The following EXOSC1 variants were observed in gnomAD, a reference collection of about 807,000 sequenced individuals.
EXOSC1 encodes exosome component 1, also known as exosome complex component CSL4.
A neutral mutation model predicts 31.4 loss-of-function variants in EXOSC1; 27 were observed. The ratio of observed to expected loss-of-function variants is 0.86; its 90% CI spans 0.63 to 1.18. The LOEUF (loss-of-function observed/expected upper bound fraction) is 1.18. EXOSC1 is among the 50% of genes most tolerant of loss of function. The pLI is 0.00. For missense variants in EXOSC1, 228 were observed against 250.3 expected (o/e 0.91, Z 0.60); for synonymous variants, 84 against 89.5 (o/e 0.94, Z 0.35).
At chr10:97,443,103 G>T in intron 3 of EXOSC1, 134 bp downstream of exon 3, 1 of 742,530 alleles carries the variant, frequency 1.3e-6, no homozygotes. Context: ...AGAATTACCA[G>T]TGTGAGCCAC....
At chr10:97,444,881 G>A (rs963738171) in intron 2 of EXOSC1, 1 of 152,158 alleles carries the variant, frequency 6.6e-6, no homozygotes, top group Admixed American at 6.5e-5. Flanking sequence ...TCTGAAACTA[G>A]AAAGGTAGGT....
chr10:97,439,970 CTTTTTTTTT>C (rs957127403), intron 4 of EXOSC1, among the ~76,000 whole-genome samples: 8 of 139,654 alleles, frequency 5.7e-5, no homozygotes, highest in Non-Finnish European at 1.1e-4. Flanking sequence ...ATGCCTTCTA[CTTTTTTTTT>C]TTTTTTTTTT....
rs116334276 is a variant in EXOSC1, at chr10:97,438,364, G to A, written c.345+306C>T. ...CCCAAGTAGCTAGGACTACAGGTGCGTGCCACCACTTAACCTCAAACTCCT... is the reference window on the plus strand; with the variant it reads ...CCCAAGTAGCTAGGACTACAGGTGCATGCCACCACTTAACCTCAAACTCCT... On this transcript the variant is annotated intron_variant, in intron 5 of 7. Coordinates refer to ENST00000370902, the MANE Select transcript of EXOSC1 (RefSeq NM_016046.5). 5.2e-3 allele frequency among the ~76,000 whole-genome samples: 784 copies of A among 152,084 alleles called. 7 individuals are homozygous for A. The highest frequency in any genetic ancestry group is 0.018 in the African/African-American group (745 of 41,478).
rs540907160 is a variant in EXOSC1 at position 97,440,215 on chromosome 10, G to A, written c.311+956C>T. 4.4e-4 allele frequency among the ~76,000 whole-genome samples: 67 copies of A among 151,916 alleles called. 1 individual carries two copies. The highest frequency in any genetic ancestry group is 1.5e-3 in the Admixed American group (23 of 15,270). ...TCGAACTCCCGACCTCAGGTGATCCGCCCGCCTCGGCCTCCCAAAGTGCTG... is the reference window on the plus strand; with the variant it reads ...TCGAACTCCCGACCTCAGGTGATCCACCCGCCTCGGCCTCCCAAAGTGCTG... On this transcript the variant is annotated intron_variant, in intron 4 of 7. Transcript: ENST00000370902.
At chr10:97,437,311 T>C in intron 6 of EXOSC1, 36 bp from the exon 7 acceptor site, 2 of 1,522,086 alleles carry the variant, frequency 1.3e-6, no homozygotes, top group Non-Finnish European at 1.8e-6. Flanking sequence ...AAATGAGGAG[T>C]TAGAAGTCTT....
rs1337879861 is a variant in EXOSC1 at position 97,435,934 on chromosome 10, A to G, written c.*511T>C. ...TCCCAAAGTGCTGGGATTTACAAAC[A>G]TGAGCCACCATGCCTGCCTCACATG... On this transcript the variant is annotated 3_prime_UTR_variant, in exon 8 of 8. Coordinates refer to ENST00000370902, the MANE Select transcript of EXOSC1 (RefSeq NM_016046.5). Among the ~76,000 whole-genome samples, 1 of 152,174 alleles carries G rather than the reference A, an allele frequency of 6.6e-6. No homozygotes were observed. The highest frequency in any genetic ancestry group is 1.5e-5 in the Non-Finnish European group (1 of 68,040).
chr10:97,441,180 C>G lies in EXOSC1; in HGVS notation c.302G>C (p.Gly101Ala). The change falls in exon 4 of 8, where the codon GGA becomes GCA. Residue 101 changes from glycine (G) to alanine (A), a missense_variant. Gly to Ala is a moderately conservative substitution (Grantham distance 60, BLOSUM62 0). Coordinates refer to ENST00000370902, the MANE Select transcript of EXOSC1 (RefSeq NM_016046.5). ...AAAGGATACTTCTTACCGGATAGTT[C>G]CTCGAAAAGAGTTCTTAAGAGGCAT... is the stretch of plus-strand genomic sequence containing the variant. ...GSMPLKNSFR[G>A]TIRKEDVRAT... The G allele has an allele frequency of 1.2e-6, 2 of 1,613,752 alleles. No homozygotes were observed. Among genetic ancestry groups the G allele is most frequent in the Non-Finnish European group, 1.7e-6 (2 of 1,179,756 alleles).
In EXOSC1 at chr10:97,436,264, TACTC is replaced by T; in HGVS notation, c.*177_*180del. The T allele has an allele frequency of 1.9e-6, 1 of 534,058 alleles. No homozygotes were observed. Among genetic ancestry groups the T allele is most frequent in the Non-Finnish European group, 3.3e-6 (1 of 301,780 alleles). 33.1% of individuals were successfully genotyped at this position (534,058 alleles called of 1,614,324 possible). On this transcript the variant is annotated 3_prime_UTR_variant, in exon 8 of 8. Transcript: ENST00000370902. ...GGTGCCTTGAAAAGATAAGATTTATTACTCAAGAGAATGAAATCCACTGATAGGT... is the reference window on the plus strand; with the variant it reads ...GGTGCCTTGAAAAGATAAGATTTATTAAGAGAATGAAATCCACTGATAGGT...
rs772838751 is a variant in EXOSC1, at chr10:97,443,238, T to A, written c.221A>T (p.Lys74Met). Residue 74 changes from lysine to methionine, a missense_variant and splice_region_variant, in exon 3 of 8, where the codon AAG becomes ATG. Lys to Met is a moderately conservative substitution (Grantham distance 95). Transcript: ENST00000370902. The stretch of plus-strand genomic sequence containing the variant: ...GCATGGAGGTCAGGACCAACTTACC[T>A]TACAGGTTACAATAGCTCCCACATC... ...LPDVGAIVTC[K>M]VSSINSRFAK... 2.5e-6 allele frequency: 4 copies of A among 1,613,788 alleles called. No homozygotes were observed.
At chr10:97,445,546 G>C (rs991771956) in intron 2 of EXOSC1, 186 bp downstream of exon 2, 11 of 614,890 alleles carry the variant, frequency 1.8e-5, no homozygotes, top group Middle Eastern at 4.4e-4. Flanking sequence ...AACCAAGCGA[G>C]ATCAACACAA....
rs759707766 is a variant in EXOSC1, at chr10:97,445,943, G to A, written c.31+12C>T. ...CCCTATCCAGGACTCTGTACGGGAA[G>A]CGCTCACTTACCGGGGATGCAGTAT... On this transcript the variant is annotated intron_variant, in intron 1 of 7. Transcript: ENST00000370902. 4.3e-6 allele frequency: 7 copies of A among 1,614,198 alleles called. No individual in the cohort carries two copies. The highest frequency in any genetic ancestry group is 1.7e-5 in the Admixed American group (1 of 60,028).
intron 2 of EXOSC1, 71 bp downstream of exon 2, chr10:97,445,661 T>G (rs943357015): frequency 6.9e-7 from 1 of 1,450,210 alleles, no homozygotes; most frequent in Non-Finnish European, 9.5e-7. Flanking sequence ...GCAGTGCCCA[T>G]GCCTAAGGAC....
Position 97,445,853 on chromosome 10 carries a change from G to C in EXOSC1, c.32-6C>G, listed in dbSNP as rs1293429759. 1 of 1,613,714 alleles carries C rather than the reference G, an allele frequency of 6.2e-7. No homozygotes were observed. Among genetic ancestry groups the C allele is most frequent in the African/African-American group, 1.3e-5 (1 of 74,930 alleles). On this transcript the variant is annotated splice_region_variant and splice_polypyrimidine_tract_variant and intron_variant, in intron 1 of 7. Coordinates refer to ENST00000370902, the MANE Select transcript of EXOSC1 (RefSeq NM_016046.5). ...CAAGTTACACAGACGTTCGCCTGCA[G>C]AAAAAATGCTGCATCGGTCACGGGC...
intron 3 of EXOSC1, 114 bp from the exon 4 acceptor site, chr10:97,441,373 A>G: frequency 1.3e-6 from 1 of 745,308 alleles, no homozygotes; most frequent in Non-Finnish European, 2.2e-6. Context: ...CTAAGTAGAG[A>G]ATTTAAGACA....
At chr10:97,440,433 C>G (rs1192665509) in intron 4 of EXOSC1, among the ~76,000 whole-genome samples, 1 of 152,152 alleles carries the variant, frequency 6.6e-6, no homozygotes, top group Non-Finnish European at 1.5e-5. Context: ...ACTGCAACCT[C>G]TGCCTCCTAG....
chr10:97,441,186 A>T lies in EXOSC1; in HGVS notation c.296T>A (p.Phe99Tyr). Residue 99 changes from phenylalanine to tyrosine, a missense_variant, in exon 4 of 8, where the codon TTT becomes TAT. Coordinates refer to ENST00000370902, the MANE Select transcript of EXOSC1 (RefSeq NM_016046.5). ...YVGSMPLKNS[F>Y]RGTIRKEDVR... is the part of the protein sequence containing the mutation. ...TACTTCTTACCGGATAGTTCCTCGA[A>T]AAGAGTTCTTAAGAGGCATGGACCC... 1 of 1,613,976 alleles carries T rather than the reference A, an allele frequency of 6.2e-7. No individual in the cohort carries two copies. The highest frequency in any genetic ancestry group is 8.5e-7 in the Non-Finnish European group (1 of 1,179,888).
At chr10:97,438,558 G>A (rs1473433254) in intron 5 of EXOSC1, 112 bp downstream of exon 5, 2 of 961,592 alleles carry the variant, frequency 2.1e-6, no homozygotes, top group Non-Finnish European at 3.2e-6. Context: ...TCCCGCCTCA[G>A]CCTCCCAAAG....
At chr10:97,444,270 CAG>C (rs1703512785) in intron 2 of EXOSC1, 1 of 152,214 alleles carries the variant, frequency 6.6e-6, no homozygotes, top group Non-Finnish European at 1.5e-5. Context: ...TGGTATAAGA[CAG>C]ATATTTTGAG....
chr10:97,440,036 G>A (rs1207041320), intron 4 of EXOSC1, among the ~76,000 whole-genome samples: 1 of 146,540 alleles, frequency 6.8e-6, no homozygotes. Flanking sequence ...ACAATGGCAC[G>A]ATCTTGGCTC....
Sources: allele counts gnomAD v4.1 joint callset (sites outside exome capture counted in the v4.1 genomes callset), GRCh38; gene constraint gnomAD v4.1.1; transcripts MANE v1.5; gene names NCBI Gene and HGNC (gene_info 2026-07-23, HGNC 2026-07-21).